KCNIP4: variants seen among roughly 807,000 people sequenced by gnomAD.
KCNIP4 encodes potassium voltage-gated channel interacting protein 4.
KCNIP4 carries 12 observed loss-of-function variants against 34.0 expected under a neutral mutation model. That is an observed-to-expected ratio of 0.35 (90% CI 0.23 to 0.57). The LOEUF (loss-of-function observed/expected upper bound fraction) is 0.57. Ranked by LOEUF, KCNIP4 falls within the 20% of genes least tolerant of loss-of-function variation. The probability of loss-of-function intolerance (pLI) is 0.83; values close to 1 mark genes in which losing one functional copy is unlikely to be tolerated. For missense variants in KCNIP4, 238 were observed against 311.7 expected, an observed-to-expected ratio of 0.76 and a Z score of 1.78; for synonymous variants, 124 against 102.2, an observed-to-expected ratio of 1.21 and a Z score of -1.29.
chr4:20,854,588 G>A (rs1721376480), intron 2 of KCNIP4, among the ~76,000 whole-genome samples: 3 of 152,034 alleles, frequency 2.0e-5, no homozygotes, highest in Non-Finnish European at 2.9e-5. Flanking sequence ...CACCACTGAA[G>A]AACTTACTCA....
rs552241276 is a variant in KCNIP4 at position 21,187,236 on chromosome 4, A to G, written c.62-304527T>C. 3.3e-4 allele frequency among the ~76,000 whole-genome samples: 50 copies of G among 152,332 alleles called. No homozygotes were observed. In the South Asian group the frequency reaches 8.3e-3, roughly 25 times the overall value. On this transcript the variant is annotated intron_variant, in intron 1 of 8. Transcript: ENST00000382152. ...CAAAACCATGCCATGGCACTTAAAA[A>G]AACCTGCTATTTTATATGTATACTT... is the stretch of plus-strand genomic sequence containing the variant.
intron 3 of KCNIP4, among the ~76,000 whole-genome samples, chr4:20,777,997 C>G (rs909820844): frequency 6.6e-6 from 1 of 152,068 alleles, no homozygotes; most frequent in African/African-American, 2.4e-5. Flanking sequence ...TCCATGAAGA[C>G]CAGGATAAAG....
chr4:20,748,305 C>T lies in KCNIP4; in HGVS notation c.429+1357G>A, dbSNP rs114220497. Among the ~76,000 whole-genome samples the T allele has an allele frequency of 1.3e-3, 204 of 152,092 alleles. 1 individual carries two copies. Among genetic ancestry groups the T allele is most frequent in the African/African-American group, 4.7e-3 (197 of 41,526 alleles). Reference sequence around the variant, plus strand: ...CCCAGGCCTGATATACTCTGTCCAGCCTCTGCCCCACTCTCCATTGCTTCC... The same window carrying T: ...CCCAGGCCTGATATACTCTGTCCAGTCTCTGCCCCACTCTCCATTGCTTCC... On this transcript the variant is annotated intron_variant, in intron 5 of 8. Coordinates refer to ENST00000382152, the MANE Select transcript of KCNIP4 (RefSeq NM_025221.6).
intron 1 of KCNIP4, among the ~76,000 whole-genome samples, chr4:21,936,076 G>A (rs572306102): frequency 3.4e-4 from 52 of 151,240 alleles, no homozygotes; most frequent in African/African-American, 1.2e-3. Context: ...TTTCTTTTAC[G>A]AAGTATATAA....
At chr4:20,813,739 T>C (rs1716048172) in intron 3 of KCNIP4, among the ~76,000 whole-genome samples, 1 of 152,212 alleles carries the variant, frequency 6.6e-6, no homozygotes, top group Non-Finnish European at 1.5e-5. Context: ...TAAACAATTC[T>C]CACTATTAAT....
chr4:20,761,416 A>C lies in KCNIP4; in HGVS notation c.289-2526T>G, dbSNP rs553336413. On this transcript the variant is annotated intron_variant, in intron 3 of 8. Coordinates refer to ENST00000382152, the MANE Select transcript of KCNIP4 (RefSeq NM_025221.6). ...TACAGCTAATCTCTCAAACATTTTG[A>C]CTATCTATCTAGCTGACACCAATGG... Among the ~76,000 whole-genome samples the C allele has an allele frequency of 1.4e-4, 22 of 152,320 alleles. No individual in the cohort carries two copies. In the South Asian group the frequency reaches 4.6e-3, roughly 32 times the overall value.
intron 1 of KCNIP4, among the ~76,000 whole-genome samples, chr4:20,967,613 A>T: frequency 6.6e-6 from 1 of 152,352 alleles, no homozygotes; most frequent in South Asian, 2.1e-4. Context: ...CAGAGGCCTC[A>T]GAAATAACAC....
In KCNIP4 at chr4:21,797,865, G is replaced by C. The variant is rs138518088; in HGVS notation, c.61+150706C>G. ...CCAAATTTACATGATAAACACTCTG[G>C]TAAGGTTCCCATGTCATTCCTAATG... On this transcript the variant is annotated intron_variant, in intron 1 of 8. Transcript: ENST00000382152. 8.4e-3 allele frequency among the ~76,000 whole-genome samples: 1,283 copies of C among 152,240 alleles called. 14 individuals carry two copies. The highest frequency in any genetic ancestry group is 0.028 in the South Asian group (136 of 4,828).
intron 1 of KCNIP4, among the ~76,000 whole-genome samples, chr4:21,636,312 A>G (rs2109220671): frequency 6.6e-6 from 1 of 152,194 alleles, no homozygotes; most frequent in Admixed American, 6.5e-5. Context: ...AAAAAAAAAA[A>G]AGAAAGAATC....
At chr4:21,849,678 T>C (rs1409396698) in intron 1 of KCNIP4, 2 of 152,276 alleles carry the variant, frequency 1.3e-5, no homozygotes, top group Non-Finnish European at 2.9e-5. Context: ...ATTTAGATCA[T>C]TATTAAAATT....
chr4:21,223,580 T>A (rs1560188085), intron 1 of KCNIP4, among the ~76,000 whole-genome samples: 1 of 152,206 alleles, frequency 6.6e-6, no homozygotes, highest in Non-Finnish European at 1.5e-5. Flanking sequence ...ACAGCATAGT[T>A]TAAGTCCATA....
At chr4:21,807,203 T>C (rs1207066879) in intron 1 of KCNIP4, among the ~76,000 whole-genome samples, 3 of 152,316 alleles carry the variant, frequency 2.0e-5, no homozygotes, top group Middle Eastern at 3.4e-3. Flanking sequence ...ATGCAAGCAA[T>C]GAGGAGCAGC....
At chr4:21,670,996 G>C (rs1465490838) in intron 1 of KCNIP4, among the ~76,000 whole-genome samples, 2 of 150,542 alleles carry the variant, frequency 1.3e-5, no homozygotes, top group African/African-American at 4.9e-5. Context: ...AACTTGTTAT[G>C]TTTTCCACTG....
At chr4:20,868,891 A>G (rs1306367769) in intron 2 of KCNIP4, among the ~76,000 whole-genome samples, 1 of 152,112 alleles carries the variant, frequency 6.6e-6, no homozygotes, top group Non-Finnish European at 1.5e-5. Context: ...CCAAGGTGAC[A>G]GGATCCTAAT....
chr4:21,712,349 A>C (rs1338357072), intron 1 of KCNIP4, among the ~76,000 whole-genome samples: 1 of 152,198 alleles, frequency 6.6e-6, no homozygotes, highest in Non-Finnish European at 1.5e-5. Context: ...GGTTCAGTCT[A>C]CTATTATCGG....
At chr4:21,649,262 T>G (rs953304253) in intron 1 of KCNIP4, among the ~76,000 whole-genome samples, 3 of 152,214 alleles carry the variant, frequency 2.0e-5, no homozygotes, top group Admixed American at 2.0e-4. Context: ...ACAGTGCTAA[T>G]TTTTAACAAT....
chr4:21,349,552 C>T (rs971227326), intron 1 of KCNIP4, among the ~76,000 whole-genome samples: 1 of 152,140 alleles, frequency 6.6e-6, no homozygotes, highest in Non-Finnish European at 1.5e-5. Context: ...GATGAGGAAT[C>T]TCTTGGCACC....
intron 1 of KCNIP4, among the ~76,000 whole-genome samples, chr4:21,435,377 C>T (rs571661064): frequency 4.6e-4 from 70 of 152,220 alleles, no homozygotes; most frequent in African/African-American, 1.7e-3. Context: ...TTAAAGGTGG[C>T]TAGAAGCAAT....
intron 1 of KCNIP4, among the ~76,000 whole-genome samples, chr4:21,642,106 G>C (rs1182028595): frequency 1.3e-5 from 2 of 152,166 alleles, no homozygotes; most frequent in African/African-American, 4.8e-5. Context: ...CTTATGCCCT[G>C]CCATAGCATT....
Sources: gnomAD v4.1 joint callset for allele counts (sites outside exome capture counted in the v4.1 genomes callset) on GRCh38, gnomAD v4.1.1 for gene constraint, MANE v1.5 for transcripts, NCBI Gene and HGNC (gene_info 2026-07-23, HGNC 2026-07-21) for gene names.